BCO1: variants seen among roughly 807,000 people sequenced by gnomAD.
BCO1 encodes the protein beta,beta-carotene 15,15'-dioxygenase.
BCO1 carries 54 observed loss-of-function variants against 56.3 expected under a neutral mutation model. The observed-to-expected ratio is 0.96, with a 90% CI of 0.77 to 1.20. The LOEUF (loss-of-function observed/expected upper bound fraction) is 1.20, where lower values mean the gene tolerates loss of function less well. Ranked by LOEUF, BCO1 falls within the 50% of genes most tolerant of loss-of-function variation. The pLI, the probability that BCO1 is intolerant of heterozygous loss-of-function variation, is 0.00. For missense variants in BCO1, 801 were observed against 690.9 expected, an observed-to-expected ratio of 1.16 and a Z score of -1.79; for synonymous variants, 318 against 266.1, an observed-to-expected ratio of 1.20 and a Z score of -1.90.
At chr16:81,249,697 G>A (rs118024068) in intron 2 of BCO1, among the ~76,000 whole-genome samples, 58 of 152,312 alleles carry the variant, frequency 3.8e-4, no homozygotes, top group South Asian at 8.3e-4. Context: ...CACCGCGCCC[G>A]GCCGAGTCAG....
At chr16:81,283,616 C>G (rs1051886340) in intron 8 of BCO1, among the ~76,000 whole-genome samples, 6 of 151,952 alleles carry the variant, frequency 3.9e-5, no homozygotes, top group Non-Finnish European at 7.4e-5. Flanking sequence ...TTCCCTCTGC[C>G]TCACCTTCAT....
chr16:81,270,203 G>T lies in BCO1; in HGVS notation c.888G>T (p.Gln296His), dbSNP rs767012049. 4 of 1,614,160 alleles carry T rather than the reference G, an allele frequency of 2.5e-6. No homozygotes were observed. In the Admixed American group the frequency reaches 6.7e-5, roughly 27 times the overall value. The change falls in exon 7 of 11, where the codon CAG (glutamine) becomes CAT (histidine). Residue 296 changes from glutamine to histidine, a missense_variant. Transcript: ENST00000258168. ...IIDQRTRQPV[Q>H]TKFYTDAMVV... Reference sequence around the variant, plus strand: ...ACCAAAGGACCAGGCAGCCTGTGCAGACCAAGTTTTACACAGACGCCATGG... The same window carrying T: ...ACCAAAGGACCAGGCAGCCTGTGCATACCAAGTTTTACACAGACGCCATGG...
Position 81,270,382 on chromosome 16 carries a change from T to A in BCO1, c.1067T>A (p.Leu356His), listed in dbSNP as rs771835453. ...TCCAGGCTCACCTCGGTCCCCACCC[T>A]CAGGAGGTTTGCCGTGCCCCTCCAC... ...ENSRLTSVPTLRRFAVPLHVD... is the reference protein window; with the variant it reads ...ENSRLTSVPTHRRFAVPLHVD... The change falls in exon 7 of 11, where the codon CTC becomes CAC. Residue 356 changes from leucine (L) to histidine (H), a missense_variant. By Grantham distance (99) the Leu-to-His change is moderately conservative (BLOSUM62 -3). Transcript: ENST00000258168. 1 of 1,614,114 alleles carries A rather than the reference T, an allele frequency of 6.2e-7. No homozygotes were observed. Among genetic ancestry groups the A allele is most frequent in the East Asian group, 2.2e-5 (1 of 44,876 alleles).
intron 2 of BCO1, among the ~76,000 whole-genome samples, chr16:81,253,351 C>A (rs911928782): frequency 6.6e-6 from 1 of 152,172 alleles, no homozygotes; most frequent in Non-Finnish European, 1.5e-5. Flanking sequence ...CCTCAAATGT[C>A]ACGTGACTCT....
intron 8 of BCO1, among the ~76,000 whole-genome samples, chr16:81,281,750 TGC>T (rs1177774381): frequency 6.6e-6 from 1 of 152,180 alleles, no homozygotes; most frequent in African/African-American, 2.4e-5. Context: ...GGTCATTCTT[TGC>T]AGTGGGTGCT....
At chr16:81,259,931 T>G in intron 3 of BCO1, 126 bp downstream of exon 3, 1 of 1,200,014 alleles carries the variant, frequency 8.3e-7, no homozygotes, top group Non-Finnish European at 1.2e-6. Flanking sequence ...TGACTGCCCT[T>G]TAACCAGAGG....
intron 3 of BCO1, among the ~76,000 whole-genome samples, chr16:81,261,354 A>G (rs1200739249): frequency 6.6e-6 from 1 of 152,202 alleles, no homozygotes; most frequent in Admixed American, 6.5e-5. Flanking sequence ...CAAATGAGCT[A>G]TGTGTTCTTA....
chr16:81,261,444 A>G (rs1353677099), intron 3 of BCO1, among the ~76,000 whole-genome samples: 1 of 152,222 alleles, frequency 6.6e-6, no homozygotes, highest in Admixed American at 6.5e-5. Flanking sequence ...GTGGACTCAC[A>G]TTCCTGGCAA....
chr16:81,258,732 A>G (rs189806713), intron 2 of BCO1, among the ~76,000 whole-genome samples: 1 of 152,332 alleles, frequency 6.6e-6, no homozygotes, highest in African/African-American at 2.4e-5. Flanking sequence ...TTGCATTGAC[A>G]TATTTTGCAT....
chr16:81,280,937 C>T lies in BCO1; in HGVS notation c.1182C>T (p.Tyr394=). 2 of 1,613,984 alleles carry T rather than the reference C, an allele frequency of 1.2e-6. No homozygotes were observed. The highest frequency in any genetic ancestry group is 2.2e-5 in the East Asian group (1 of 44,880). The stretch of plus-strand genomic sequence containing the variant: ...TGAAGGAAGAAGATGGCCAAGTCTA[C>T]TGCCAGCCGGAATTTCTTTATGAAG... ...TALKEEDGQV[Y]CQPEFLYEGL... The change falls in exon 8 of 11, where the codon TAC becomes TAT. Residue 394 remains tyrosine (Y), a synonymous_variant. Transcript: ENST00000258168.
At chr16:81,251,556 T>A (rs530005606) in intron 2 of BCO1, among the ~76,000 whole-genome samples, 1 of 151,512 alleles carries the variant, frequency 6.6e-6, no homozygotes, top group Non-Finnish European at 1.5e-5. Context: ...TGAGACTTCA[T>A]CTAAAAAAAA....
chr16:81,255,507 TTTA>T (rs1906076063), intron 2 of BCO1, among the ~76,000 whole-genome samples: 1 of 151,344 alleles, frequency 6.6e-6, no homozygotes. Context: ...TTTTTTATTT[TTTA>T]TTTTTTTGAG....
At chr16:81,244,717 CT>C (rs55904406) in intron 1 of BCO1, among the ~76,000 whole-genome samples, 2,485 of 129,170 alleles carry the variant, frequency 0.019, 58 homozygotes, top group African/African-American at 0.061. Context: ...TTGCCCCTAT[CT>C]TTTTTTTTTT....
chr16:81,256,914 C>A (rs908214831), intron 2 of BCO1, among the ~76,000 whole-genome samples: 2 of 151,902 alleles, frequency 1.3e-5, no homozygotes, highest in African/African-American at 2.4e-5. Context: ...AGTTATCAGG[C>A]CTGCAAACCT....
chr16:81,273,804 T>G (rs921797048), intron 7 of BCO1, among the ~76,000 whole-genome samples: 4 of 152,206 alleles, frequency 2.6e-5, no homozygotes, highest in Admixed American at 6.5e-5. Flanking sequence ...GCCAGAGGGC[T>G]GTGGCTTACC....
intron 6 of BCO1, among the ~76,000 whole-genome samples, chr16:81,269,710 C>T (rs1907066166): frequency 2.0e-5 from 3 of 152,298 alleles, no homozygotes; most frequent in Middle Eastern, 3.4e-3. Flanking sequence ...CTCAAGTGAT[C>T]CACCTGCCCG....
intron 2 of BCO1, among the ~76,000 whole-genome samples, chr16:81,253,836 A>G (rs920634084): frequency 1.3e-5 from 2 of 152,098 alleles, no homozygotes; most frequent in African/African-American, 2.4e-5. Flanking sequence ...GGTAGCACGC[A>G]CCTATAGTCC....
chr16:81,274,965 G>A (rs1277475328), intron 7 of BCO1, among the ~76,000 whole-genome samples: 1 of 152,002 alleles, frequency 6.6e-6, no homozygotes, highest in Admixed American at 6.6e-5. Context: ...GCAAAGGAAA[G>A]CAAGCCCTGG....
intron 2 of BCO1, among the ~76,000 whole-genome samples, chr16:81,247,466 C>A (rs1189239540): frequency 6.6e-6 from 1 of 152,038 alleles, no homozygotes; most frequent in Admixed American, 6.6e-5. Context: ...AGTTCCAGAC[C>A]AATCTGTGCA....
Sources: allele counts gnomAD v4.1 joint callset (sites outside exome capture counted in the v4.1 genomes callset), GRCh38; gene constraint gnomAD v4.1.1; transcripts MANE v1.5; gene names NCBI Gene and HGNC (gene_info 2026-07-23, HGNC 2026-07-21).